Variants in CNTNAP5 observed in about 807,000 individuals in gnomAD.
CNTNAP5 encodes contactin associated protein family member 5, also known as contactin-associated protein-like 5.
CNTNAP5 carries 72 observed loss-of-function variants against 150.2 expected under a neutral mutation model. The ratio of observed to expected loss-of-function variants is 0.48; its 90% CI spans 0.40 to 0.58. The LOEUF is 0.58. Ranked by LOEUF, CNTNAP5 falls within the 20% of genes least tolerant of loss-of-function variation. CNTNAP5 has a pLI of 0.00. For synonymous variants in CNTNAP5, 672 were observed against 619.8 expected, an observed-to-expected ratio of 1.08 and a Z score of -1.25; for missense variants, 1,636 against 1,626.2, an observed-to-expected ratio of 1.01 and a Z score of -0.10.
intron 2 of CNTNAP5, among the ~76,000 whole-genome samples, chr2:124,227,128 T>A (rs1205334786): frequency 6.6e-6 from 1 of 152,144 alleles, no homozygotes; most frequent in East Asian, 1.9e-4. Context: ...TCATTTACTT[T>A]GGAAAGCAAT....
At chr2:124,589,451 C>T (rs182903878) in intron 11 of CNTNAP5, among the ~76,000 whole-genome samples, 7 of 152,102 alleles carry the variant, frequency 4.6e-5, no homozygotes, top group African/African-American at 1.7e-4. Context: ...GGGTTGTTTC[C>T]ACTTTTTGAC....
At chr2:124,629,529 A>G (rs1677800283) in intron 12 of CNTNAP5, among the ~76,000 whole-genome samples, 1 of 152,200 alleles carries the variant, frequency 6.6e-6, no homozygotes, top group Non-Finnish European at 1.5e-5. Flanking sequence ...CAAAGAGACA[A>G]TTTATCAGAA....
chr2:124,101,369 G>A (rs12105596), intron 1 of CNTNAP5, among the ~76,000 whole-genome samples: 63,874 of 151,864 alleles, frequency 0.42, 13,472 homozygotes, highest in South Asian at 0.47. Context: ...CAGATCCCAC[G>A]CTCATTAATA....
intron 11 of CNTNAP5, among the ~76,000 whole-genome samples, chr2:124,568,072 C>T (rs1696073478): frequency 6.6e-6 from 1 of 152,130 alleles, no homozygotes; most frequent in South Asian, 2.1e-4. Flanking sequence ...ATGCTAAATC[C>T]TGCATCTTAT....
In CNTNAP5 at chr2:124,915,131, G is replaced by GAT. The variant is rs1219289345; in HGVS notation, c.*855_*856dup. 44 of 163,390 alleles carry GAT rather than the reference G, an allele frequency of 2.7e-4. No homozygotes were observed. The highest frequency in any genetic ancestry group is 6.8e-3 in the Middle Eastern group (2 of 294). 10.1% of individuals were successfully genotyped at this position (163,390 alleles called of 1,614,324 possible). ...GGTATTCCTGGGATTATTATACTGAGATATATATATATACACACACACACA... is the reference window on the plus strand; with the variant it reads ...GGTATTCCTGGGATTATTATACTGAGATATATATATATATACACACACACACA... On this transcript the variant is annotated 3_prime_UTR_variant, in exon 24 of 24. Transcript: ENST00000682447.
At chr2:124,072,053 C>A (rs1682317687) in intron 1 of CNTNAP5, among the ~76,000 whole-genome samples, 1 of 151,872 alleles carries the variant, frequency 6.6e-6, no homozygotes, top group Non-Finnish European at 1.5e-5. Context: ...GGGATTTATC[C>A]CCATGATGCA....
At chr2:124,469,378 G>A (rs927328705) in intron 6 of CNTNAP5, among the ~76,000 whole-genome samples, 2 of 151,894 alleles carry the variant, frequency 1.3e-5, no homozygotes, top group Non-Finnish European at 2.9e-5. Context: ...AACCATAACT[G>A]AGCGAAGTAG....
At chr2:124,492,106 A>C (rs939099393) in intron 7 of CNTNAP5, among the ~76,000 whole-genome samples, 1 of 152,000 alleles carries the variant, frequency 6.6e-6, no homozygotes, top group African/African-American at 2.4e-5. Flanking sequence ...GCTGTGCAGA[A>C]ATTTGTTAGT....
intron 20 of CNTNAP5, among the ~76,000 whole-genome samples, chr2:124,867,056 C>T (rs946867959): frequency 2.0e-5 from 3 of 152,146 alleles, no homozygotes; most frequent in African/African-American, 7.2e-5. Flanking sequence ...CCTGACCTTG[C>T]TACCTGTGGG....
At chr2:124,851,291 G>T (rs1350345934) in intron 19 of CNTNAP5, among the ~76,000 whole-genome samples, 1 of 152,182 alleles carries the variant, frequency 6.6e-6, no homozygotes, top group Admixed American at 6.5e-5. Context: ...TGGAGGCAGA[G>T]GCTACAGTAA....
intron 3 of CNTNAP5, among the ~76,000 whole-genome samples, chr2:124,299,451 T>C: frequency 6.6e-6 from 1 of 152,234 alleles, no homozygotes; most frequent in East Asian, 1.9e-4. Flanking sequence ...TGGTTTTCTG[T>C]TCCTGCGTTA....
chr2:124,903,778 G>A (rs913218560), intron 22 of CNTNAP5, among the ~76,000 whole-genome samples: 1 of 152,130 alleles, frequency 6.6e-6, no homozygotes, highest in Non-Finnish European at 1.5e-5. Flanking sequence ...TTTGGGCCAG[G>A]TGTGGTGGCT....
chr2:124,758,849 A>G (rs1680896845), intron 14 of CNTNAP5, among the ~76,000 whole-genome samples: 1 of 152,142 alleles, frequency 6.6e-6, no homozygotes, highest in Non-Finnish European at 1.5e-5. Flanking sequence ...AATACTAGCC[A>G]TGGACAAGGG....
chr2:124,331,720 T>TA (rs1427785960), intron 3 of CNTNAP5, among the ~76,000 whole-genome samples: 1 of 151,774 alleles, frequency 6.6e-6, no homozygotes, highest in Non-Finnish European at 1.5e-5. Flanking sequence ...AAATAGATGT[T>TA]AAAAAAAATT....
chr2:124,918,082 T>C lies in CNTNAP5; in HGVS notation c.*3794T>C, dbSNP rs142052253. 6.6e-6 allele frequency among the ~76,000 whole-genome samples: 1 copy of C among 152,174 alleles called. No homozygotes were observed. Among genetic ancestry groups the C allele is most frequent in the East Asian group, 1.9e-4 (1 of 5,148 alleles). On this transcript the variant is annotated 3_prime_UTR_variant, in exon 24 of 24. Transcript: ENST00000682447. ...GATGGTCTCTGTCTCTGCCATACAT[T>C]TGAGGAGGCTGAATTCTCTACATTC...
chr2:124,886,232 A>C (rs557003425), intron 21 of CNTNAP5, among the ~76,000 whole-genome samples: 37 of 152,208 alleles, frequency 2.4e-4, no homozygotes, highest in African/African-American at 8.2e-4. Flanking sequence ...AATGAGGATA[A>C]GGATAATCAT....
intron 19 of CNTNAP5, among the ~76,000 whole-genome samples, chr2:124,846,372 T>C (rs1294542003): frequency 6.6e-6 from 1 of 152,198 alleles, no homozygotes; most frequent in Non-Finnish European, 1.5e-5. Context: ...ATTGGACTGC[T>C]GAGACTTTCC....
chr2:124,113,035 T>A (rs1299653132), intron 1 of CNTNAP5, among the ~76,000 whole-genome samples: 1 of 152,186 alleles, frequency 6.6e-6, no homozygotes, highest in African/African-American at 2.4e-5. Flanking sequence ...AGAGAGCTGA[T>A]ACACTGCCTG....
chr2:124,442,054 TAAG>T (rs1302433445), intron 5 of CNTNAP5, among the ~76,000 whole-genome samples: 2 of 152,116 alleles, frequency 1.3e-5, no homozygotes, highest in African/African-American at 2.4e-5. Flanking sequence ...AGTCACTATT[TAAG>T]AAGAAGTACT....
Sources: allele counts gnomAD v4.1 joint callset (sites outside exome capture counted in the v4.1 genomes callset), GRCh38; gene constraint gnomAD v4.1.1; transcripts MANE v1.5; gene names NCBI Gene and HGNC (gene_info 2026-07-23, HGNC 2026-07-21).